ARHGEF33: variants seen among roughly 807,000 people sequenced by gnomAD.
ARHGEF33 encodes the protein DH and coiled-coil domain-containing protein ENSP00000381780.
Under a neutral mutation model 101.9 loss-of-function variants are expected in ARHGEF33, and 72 were observed. That is an observed-to-expected ratio of 0.71 (90% confidence interval 0.58 to 0.86). The LOEUF (loss-of-function observed/expected upper bound fraction) is 0.86, where lower values mean the gene tolerates loss of function less well. ARHGEF33 is among the 40% of genes least tolerant of loss of function. The pLI is 0.00. For synonymous variants in ARHGEF33, 499 were observed against 442.5 expected, an observed-to-expected ratio of 1.13 and a Z score of -1.60; for missense variants, 1,169 against 1,111.3, an observed-to-expected ratio of 1.05 and a Z score of -0.74.
Position 38,973,933 on chromosome 2 carries a change from T to G in ARHGEF33, c.*90T>G. 11 of 362,460 alleles carry G rather than the reference T, an allele frequency of 3.0e-5. No homozygotes were observed. The highest frequency in any genetic ancestry group is 3.9e-5 in the Non-Finnish European group (10 of 254,666). 22.5% of individuals were successfully genotyped at this position (362,460 alleles called of 1,614,324 possible). On this transcript the variant is annotated 3_prime_UTR_variant, in exon 18 of 18. Transcript: ENST00000409978. Reference sequence around the variant, plus strand: ...AGGAATATATATATATATCTATATCTATATATATATATATATCGATGTATA... The same window carrying G: ...AGGAATATATATATATATCTATATCGATATATATATATATATCGATGTATA...
intron 16 of ARHGEF33, among the ~76,000 whole-genome samples, chr2:38,965,518 A>T (rs576774485): frequency 1.3e-5 from 2 of 152,222 alleles, no homozygotes; most frequent in South Asian, 4.1e-4. Context: ...TCCCTCGATT[A>T]TGCTTAAAAT....
At chr2:38,933,645 G>C (rs1411330318) in intron 7 of ARHGEF33, among the ~76,000 whole-genome samples, 3 of 152,186 alleles carry the variant, frequency 2.0e-5, no homozygotes, top group Non-Finnish European at 4.4e-5. Context: ...CCCTTGCTGG[G>C]ATTACAGGTG....
chr2:38,892,875 G>C (rs1666036434), intron 1 of ARHGEF33, among the ~76,000 whole-genome samples: 1 of 152,072 alleles, frequency 6.6e-6, no homozygotes, highest in African/African-American at 2.4e-5. Context: ...TCTTTTACTT[G>C]AGTTATTAAA....
chr2:38,963,832 AGT>A (rs1006608788), intron 16 of ARHGEF33, among the ~76,000 whole-genome samples: 1 of 152,166 alleles, frequency 6.6e-6, no homozygotes, highest in African/African-American at 2.4e-5. Context: ...GCATGCCTTA[AGT>A]CAGTGGTCCC....
chr2:38,958,852 T>C (rs1371795612), intron 15 of ARHGEF33, among the ~76,000 whole-genome samples: 1 of 152,128 alleles, frequency 6.6e-6, no homozygotes, highest in Non-Finnish European at 1.5e-5. Flanking sequence ...CGGCTAATTT[T>C]TGTACTTAGT....
At chr2:38,902,276 A>G (rs1417339651) in intron 2 of ARHGEF33, among the ~76,000 whole-genome samples, 1 of 152,200 alleles carries the variant, frequency 6.6e-6, no homozygotes, top group East Asian at 1.9e-4. Flanking sequence ...AATGTTGGCG[A>G]CAGGCAGTGA....
At chr2:38,944,720 C>T (rs2124403311) in intron 10 of ARHGEF33, among the ~76,000 whole-genome samples, 1 of 152,126 alleles carries the variant, frequency 6.6e-6, no homozygotes, top group Admixed American at 6.6e-5. Flanking sequence ...GCATGGAGTC[C>T]CCATGGGTCA....
intron 2 of ARHGEF33, among the ~76,000 whole-genome samples, chr2:38,909,478 C>T (rs566166613): frequency 2.0e-5 from 3 of 150,322 alleles, no homozygotes; most frequent in East Asian, 2.0e-4. Flanking sequence ...TGCACCACCA[C>T]GACTGGCTAA....
chr2:38,932,385 C>A (rs947428785), intron 7 of ARHGEF33, among the ~76,000 whole-genome samples: 1 of 152,192 alleles, frequency 6.6e-6, no homozygotes, highest in Non-Finnish European at 1.5e-5. Context: ...CCTTGACCTC[C>A]CAAAGTGCTG....
At chr2:38,921,143 G>T (rs72916823) in intron 3 of ARHGEF33, among the ~76,000 whole-genome samples, 1 of 152,166 alleles carries the variant, frequency 6.6e-6, no homozygotes, top group Admixed American at 6.5e-5. Flanking sequence ...GTAGTAGAAC[G>T]TGGTTTTCTA....
rs188848606 is a variant in ARHGEF33 at position 38,895,514 on chromosome 2, T to A, written c.-158-263T>A. On this transcript the variant is annotated intron_variant, in intron 1 of 17. Transcript: ENST00000409978. ...CTATGTTTTTAAATACATAGAAATT[T>A]ATTTTTATTAGTCCCCCAAACATAT... Among the ~76,000 whole-genome samples the A allele has an allele frequency of 8.5e-5, 13 of 152,320 alleles. 1 individual carries two copies. The highest frequency in any genetic ancestry group is 8.5e-4 in the Admixed American group (13 of 15,294).
intron 1 of ARHGEF33, among the ~76,000 whole-genome samples, chr2:38,893,473 C>A (rs1666051346): frequency 6.6e-6 from 1 of 152,110 alleles, no homozygotes; most frequent in South Asian, 2.1e-4. Context: ...CTGGTGATCC[C>A]CTTTTGACCG....
intron 2 of ARHGEF33, among the ~76,000 whole-genome samples, chr2:38,898,434 C>G (rs903434124): frequency 1.3e-5 from 2 of 152,210 alleles, no homozygotes; most frequent in Non-Finnish European, 2.9e-5. Context: ...CAGCCACTGT[C>G]ATGCCCTCTG....
intron 17 of ARHGEF33, among the ~76,000 whole-genome samples, chr2:38,968,575 C>T (rs544847778): frequency 6.6e-6 from 1 of 152,276 alleles, no homozygotes; most frequent in South Asian, 2.1e-4. Context: ...TGCTGTCAGT[C>T]CTCTTGTGGC....
chr2:38,967,642 C>A (rs1389063161), intron 17 of ARHGEF33, among the ~76,000 whole-genome samples: 1 of 152,168 alleles, frequency 6.6e-6, no homozygotes, highest in Non-Finnish European at 1.5e-5. Flanking sequence ...ATGGCGCAAT[C>A]TCGGTTCACT....
chr2:38,937,199 T>C (rs1262286974), intron 8 of ARHGEF33, 136 bp from the exon 9 acceptor site: 96 of 601,914 alleles, frequency 1.6e-4, no homozygotes, highest in Admixed American at 5.2e-4. Context: ...TTTCACCATG[T>C]TAGCCAGGAT....
intron 2 of ARHGEF33, among the ~76,000 whole-genome samples, chr2:38,905,367 GC>G: frequency 6.6e-6 from 1 of 152,300 alleles, no homozygotes; most frequent in South Asian, 2.1e-4. Flanking sequence ...GGCTTTGGGG[GC>G]TGGAGGGCTG....
Position 38,929,081 on chromosome 2 carries a change from T to C in ARHGEF33, c.240+10T>C. 2 of 1,539,718 alleles carry C rather than the reference T, an allele frequency of 1.3e-6. No homozygotes were observed. Among genetic ancestry groups the C allele is most frequent in the Non-Finnish European group, 1.8e-6 (2 of 1,142,064 alleles). ...ATTAAACTATTTCAAGGTAGGCCTCTCTTTAATTTCCCTGCTGACAAGAGA... is the reference window on the plus strand; with the variant it reads ...ATTAAACTATTTCAAGGTAGGCCTCCCTTTAATTTCCCTGCTGACAAGAGA... On this transcript the variant is annotated intron_variant, in intron 5 of 17. Coordinates refer to ENST00000409978, the MANE Select transcript of ARHGEF33 (RefSeq NM_001145451.5).
chr2:38,945,456 G>A lies in ARHGEF33; in HGVS notation c.920+1426G>A, dbSNP rs140955530. 8.7e-4 allele frequency among the ~76,000 whole-genome samples: 132 copies of A among 152,346 alleles called. 3 individuals are homozygous for A. The East Asian group carries it at 0.022, about 25-fold the overall frequency. ...AGGCTAAGGTGACCCAGCTAAAGCTGTGACCATCTGGACTGGGCCTCACCT... is the reference window on the plus strand; with the variant it reads ...AGGCTAAGGTGACCCAGCTAAAGCTATGACCATCTGGACTGGGCCTCACCT... On this transcript the variant is annotated intron_variant, in intron 10 of 17. Transcript: ENST00000409978.
Sources: gnomAD v4.1 joint callset for allele counts (sites outside exome capture counted in the v4.1 genomes callset) on GRCh38, gnomAD v4.1.1 for gene constraint, MANE v1.5 for transcripts, NCBI Gene and HGNC (gene_info 2026-07-23, HGNC 2026-07-21) for gene names.